CACNA1S: variants seen among roughly 807,000 people sequenced by gnomAD.
The protein encoded by CACNA1S is calcium voltage-gated channel subunit alpha1 S.
In CACNA1S, 126 loss-of-function variants were observed where a neutral mutation model predicts 207.4. The ratio of observed to expected loss-of-function variants is 0.61; its 90% CI spans 0.53 to 0.70. The LOEUF (loss-of-function observed/expected upper bound fraction) is 0.70, where lower values mean the gene tolerates loss of function less well. Ranked by LOEUF, CACNA1S falls within the 30% of genes least tolerant of loss-of-function variation. CACNA1S has a pLI of 0.00. For missense variants in CACNA1S, 2,349 were observed against 2,422.8 expected, an observed-to-expected ratio of 0.97 and a Z score of 0.64; for synonymous variants, 960 against 932.7, an observed-to-expected ratio of 1.03 and a Z score of -0.53.
At chr1:201,078,938 T>C (rs1181503052) in intron 10 of CACNA1S, among the ~76,000 whole-genome samples, 4 of 151,846 alleles carry the variant, frequency 2.6e-5, no homozygotes, top group Non-Finnish European at 5.9e-5. Context: ...CTGACCAACA[T>C]GGTAAAACCC....
At chr1:201,099,275 C>T (rs780898015) in intron 2 of CACNA1S, among the ~76,000 whole-genome samples, 9 of 152,188 alleles carry the variant, frequency 5.9e-5, no homozygotes, top group Non-Finnish European at 8.8e-5. Context: ...AGCACAGTGG[C>T]CTGGTCAGGA....
chr1:201,073,107 C>A lies in CACNA1S; in HGVS notation c.2158-283G>T, dbSNP rs188358124. Among the ~76,000 whole-genome samples, 780 of 152,308 alleles carry A rather than the reference C, an allele frequency of 5.1e-3. 13 individuals are homozygous for A. The highest frequency in any genetic ancestry group is 3.3e-3 in the Non-Finnish European group (224 of 68,028). ...CTTGGTTCTCCAGAAGGGAGTTGAG[C>A]TTCCCCAGGCCAGGACCTCGAGCCT... On this transcript the variant is annotated intron_variant, in intron 15 of 43. Coordinates refer to ENST00000362061, the MANE Select transcript of CACNA1S (RefSeq NM_000069.3).
intron 13 of CACNA1S, 92 bp from the exon 14 acceptor site, chr1:201,074,712 AC>A: frequency 1.4e-6 from 1 of 722,856 alleles, no homozygotes; most frequent in Non-Finnish European, 2.4e-6. Flanking sequence ...GCAGGACCTA[AC>A]CCCACTCTCC....
intron 9 of CACNA1S, among the ~76,000 whole-genome samples, chr1:201,084,517 G>A (rs529652017): frequency 3.9e-5 from 6 of 152,312 alleles, no homozygotes; most frequent in South Asian, 2.1e-4. Flanking sequence ...AGACAATGGC[G>A]AGAGAGCGTG....
At chr1:201,091,885 G>A (rs1478663223) in intron 4 of CACNA1S, 87 bp downstream of exon 4, 3 of 1,602,144 alleles carry the variant, frequency 1.9e-6, no homozygotes, top group Non-Finnish European at 2.6e-6. Flanking sequence ...CCCCTGAGAT[G>A]TCAAGGTAGG....
intron 41 of CACNA1S, among the ~76,000 whole-genome samples, chr1:201,040,945 A>T (rs1660158255): frequency 6.6e-6 from 1 of 151,896 alleles, no homozygotes; most frequent in Admixed American, 6.6e-5. Flanking sequence ...GGTTTGGGAG[A>T]GGGGATAAGG....
intron 12 of CACNA1S, 47 bp from the exon 13 acceptor site, chr1:201,075,662 G>A: frequency 6.2e-7 from 1 of 1,607,354 alleles, no homozygotes; most frequent in Middle Eastern, 1.7e-4. Context: ...AGGGGCCTGA[G>A]AGTCTTCTAT....
At position 201,112,345 on chromosome 1, in the gene CACNA1S, C is replaced by T. The variant is rs573204768; in HGVS notation, c.-6G>A. ...TGGGGTGAGGATGGCTCCATGGCTT[C>T]CCTGGGAATCTGGCTTTCTCCTGCT... On this transcript the variant is annotated 5_prime_UTR_variant, in exon 1 of 44. Transcript: ENST00000362061. The T allele has an allele frequency of 3.1e-6, 5 of 1,613,626 alleles. No individual in the cohort carries two copies. Among genetic ancestry groups the T allele is most frequent in the African/African-American group, 2.7e-5 (2 of 74,956 alleles).
chr1:201,061,393 G>T lies in CACNA1S; in HGVS notation c.3129C>A (p.Ile1043=), dbSNP rs774801845. ...TGAGGATGATGTAGATGATGAAGAA[G>T]ATGGCCATCTCCACACGGTTGTTGT... ...PIYNNRVEMA[I]FFIIYIILIA... The change falls in exon 25 of 44, where the codon ATC becomes ATA. Residue 1043 remains isoleucine, a synonymous_variant. Coordinates refer to ENST00000362061, the MANE Select transcript of CACNA1S (RefSeq NM_000069.3). 85 of 1,614,116 alleles carry T rather than the reference G, an allele frequency of 5.3e-5. No individual in the cohort carries two copies. The highest frequency in any genetic ancestry group is 7.0e-5 in the Non-Finnish European group (83 of 1,180,036).
chr1:201,064,401 G>A (rs1299907134), intron 22 of CACNA1S, among the ~76,000 whole-genome samples: 3 of 152,218 alleles, frequency 2.0e-5, no homozygotes, highest in Non-Finnish European at 2.9e-5. Context: ...TATTCCCCGC[G>A]AAGATTCTCT....
Position 201,075,531 on chromosome 1 carries a change from A to T in CACNA1S, c.1912T>A (p.Cys638Ser), listed in dbSNP as rs766576671. The T allele has an allele frequency of 1.5e-5, 25 of 1,613,480 alleles. No individual in the cohort carries two copies. The Middle Eastern group carries it at 4.9e-4, about 32-fold the overall frequency. Residue 638 changes from cysteine to serine, a missense_variant, in exon 13 of 44, where the codon TGC (cysteine) becomes AGC (serine). Transcript: ENST00000362061. ...ACGAAAAGGATGATGAAGTAAATGC[A>T]CACAAGCATGCCAGGGTAGGACGGC... ...GGPSYPGMLVCIYFIILFVCG... is the reference protein window; with the variant it reads ...GGPSYPGMLVSIYFIILFVCG...
rs754971473 is a variant in CACNA1S, at chr1:201,070,397, G to A, written c.2235C>T (p.Asp745=). 27 of 1,613,894 alleles carry A rather than the reference G, an allele frequency of 1.7e-5. No homozygotes were observed. The highest frequency in any genetic ancestry group is 6.7e-5 in the Admixed American group (4 of 60,020). Residue 745 remains aspartate, a synonymous_variant, in exon 17 of 44, where the codon GAC becomes GAT. Transcript: ENST00000362061. ...GCGGGATCTCAGGCTCATCTTCCTC[G>A]TCATCCCCTGTGGGGAGAGAGAGAG... ...PYPSADFPGD[D]EEDEPEIPLS...
At chr1:201,078,125 C>T (rs766745924) in intron 10 of CACNA1S, 21 bp from the exon 11 acceptor site, 10 of 1,573,310 alleles carry the variant, frequency 6.4e-6, no homozygotes, top group Non-Finnish European at 7.9e-6. Flanking sequence ...GGTGGCACAG[C>T]CCCGGCATCA....
At chr1:201,074,770 C>T (rs1419904967) in intron 13 of CACNA1S, 150 bp from the exon 14 acceptor site, 3 of 707,066 alleles carry the variant, frequency 4.2e-6, no homozygotes, top group East Asian at 5.4e-5. Flanking sequence ...TAGTGGAAGG[C>T]CCTCAGGGAA....
chr1:201,112,174 G>C lies in CACNA1S; in HGVS notation c.152+14C>G. ...ACGCACACCCCCCCCCACGGCCCGGGCCCTGAAGGATACTTCCATTCTACA... is the reference window on the plus strand; with the variant it reads ...ACGCACACCCCCCCCCACGGCCCGGCCCCTGAAGGATACTTCCATTCTACA... On this transcript the variant is annotated intron_variant, in intron 1 of 43. Transcript: ENST00000362061. 6.2e-7 allele frequency: 1 copy of C among 1,610,558 alleles called. No homozygotes were observed. Among genetic ancestry groups the C allele is most frequent in the Non-Finnish European group, 8.5e-7 (1 of 1,177,568 alleles).
At chr1:201,059,334 G>T (rs1231512090) in intron 26 of CACNA1S, 35 bp from the exon 27 acceptor site, 2 of 1,450,884 alleles carry the variant, frequency 1.4e-6, no homozygotes, top group South Asian at 2.3e-5. Context: ...GGGTCAGGGG[G>T]GCCGGGTTTG....
chr1:201,066,586 G>A lies in CACNA1S; in HGVS notation c.2658-270C>T, dbSNP rs905237537. On this transcript the variant is annotated intron_variant, in intron 20 of 43. Transcript: ENST00000362061. This position sits in a 1 kb window ranked among gnomAD's most constrained non-coding sequence, Gnocchi z 4.3. ...GGTGGCTAGAAGCTCCGTCCCTCCC[G>A]TCAGACGGTGAGCACCCCAAAGGCA... 5.9e-5 allele frequency among the ~76,000 whole-genome samples: 9 copies of A among 152,154 alleles called. No homozygotes were observed. Among genetic ancestry groups the A allele is most frequent in the African/African-American group, 1.7e-4 (7 of 41,424 alleles).
rs548502564 is a variant in CACNA1S, at chr1:201,066,519, C to T, written c.2658-203G>A. On this transcript the variant is annotated intron_variant, in intron 20 of 43. Coordinates refer to ENST00000362061, the MANE Select transcript of CACNA1S (RefSeq NM_000069.3). The surrounding 1 kb of genome is among the most constrained non-coding windows in gnomAD (Gnocchi z 4.3). ...CCACCCCTGCTATCTGGACCATGCT[C>T]TCATGGGTGTGTCATGAAGCAGAAG... Among the ~76,000 whole-genome samples the T allele has an allele frequency of 3.3e-5, 5 of 152,192 alleles. No individual in the cohort carries two copies. Among genetic ancestry groups the T allele is most frequent in the Non-Finnish European group, 5.9e-5 (4 of 68,020 alleles).
At position 201,060,660 on chromosome 1, in the gene CACNA1S, G is replaced by A. The variant is rs1021359663; in HGVS notation, c.3412C>T (p.Gln1138Ter). 6.2e-7 allele frequency: 1 copy of A among 1,614,144 alleles called. No homozygotes were observed. Among genetic ancestry groups the A allele is most frequent in the Non-Finnish European group, 8.5e-7 (1 of 1,180,016 alleles). The change falls in exon 26 of 44, where the codon CAG (glutamine) becomes TAG (stop). Residue 1138 changes from glutamine (Q) to a stop codon, truncating the protein, a stop_gained and splice_region_variant. Transcript: ENST00000362061. LOFTEE classifies it high-confidence loss of function. ...IMLNTICLGM[Q>*]HYNQSEQMNH... ...TTTTTCTCCTGGGGAGCCCTTACCT[G>A]CATGCCGAGGCAGATGGTGTTGAGC...
Sources: gnomAD v4.1 joint callset for allele counts (sites outside exome capture counted in the v4.1 genomes callset) on GRCh38, gnomAD v4.1.1 for gene constraint, Gnocchi (gnomAD v3.1) non-coding constraint, MANE v1.5 for transcripts, NCBI Gene and HGNC (gene_info 2026-07-23, HGNC 2026-07-21) for gene names.